Variants in POLR1B observed in about 807,000 individuals in gnomAD.
The protein encoded by POLR1B is DNA-directed RNA polymerase I subunit RPA2.
Under a neutral mutation model 105.8 loss-of-function variants are expected in POLR1B, and 30 were observed. The ratio of observed to expected loss-of-function variants is 0.28; its 90% CI spans 0.21 to 0.38. POLR1B has a LOEUF of 0.38. Ranked by LOEUF, POLR1B falls within the 10% of genes least tolerant of loss-of-function variation. The probability of loss-of-function intolerance (pLI) is 1.00; values close to 1 mark genes in which losing one functional copy is unlikely to be tolerated. For missense variants in POLR1B, 976 were observed against 1,435.8 expected (o/e 0.68, Z 5.17); for synonymous variants, 485 against 505.1 (o/e 0.96, Z 0.53).
chr2:112,567,027 A>G (rs977031462), intron 10 of POLR1B, among the ~76,000 whole-genome samples: 1 of 152,036 alleles, frequency 6.6e-6, no homozygotes, highest in Non-Finnish European at 1.5e-5. Flanking sequence ...ATTTATTTTC[A>G]TTCTCTTTTT....
Position 112,577,866 on chromosome 2 carries a change from A to G in POLR1B, c.*2137A>G, listed in dbSNP as rs1684937696. Among the ~76,000 whole-genome samples the G allele has an allele frequency of 6.6e-6, 1 of 151,548 alleles. No individual in the cohort carries two copies. Among genetic ancestry groups the G allele is most frequent in the South Asian group, 2.1e-4 (1 of 4,826 alleles). ...AAAAAAAAAAAAGCGGGGAGGCATA[A>G]GAAAAAACCAATTTAATAGAAAAGA... On this transcript the variant is annotated 3_prime_UTR_variant, in exon 15 of 15. Coordinates refer to ENST00000263331, the MANE Select transcript of POLR1B (RefSeq NM_019014.6).
chr2:112,542,263 C>G, upstream of POLR1B: 1 of 1,534,064 alleles, frequency 6.5e-7, no homozygotes, highest in Middle Eastern at 1.7e-4. Flanking sequence ...AAGGGAGGGC[C>G]CGCCACGCTC....
chr2:112,572,643 G>A lies in POLR1B; in HGVS notation c.2156G>A (p.Ser719Asn). The A allele has an allele frequency of 6.2e-7, 1 of 1,613,496 alleles. No individual in the cohort carries two copies. Among genetic ancestry groups the A allele is most frequent in the Non-Finnish European group, 8.5e-7 (1 of 1,179,722 alleles). The stretch of plus-strand genomic sequence containing the variant: ...CTGTATCGTCTTCAGACTCCTCAGA[G>A]TCCCTTGGTGAGACCCTCCATGTAT... The part of the protein sequence containing the change: ...NKLYRLQTPQ[S>N]PLVRPSMYDY... Residue 719 changes from serine (S) to asparagine (N), a missense_variant, in exon 13 of 15, where the codon AGT (serine) becomes AAT (asparagine). Physicochemically the swap from Ser to Asn is conservative, Grantham distance 46. Coordinates refer to ENST00000263331, the MANE Select transcript of POLR1B (RefSeq NM_019014.6).
chr2:112,552,034 C>T lies in POLR1B; in HGVS notation c.986+36C>T, dbSNP rs140350975. ...TTTGTCTAAACTGTTTTTGGAGGGG[C>T]GGAGGGCTGTCAGTGGTTCTTTGTA... On this transcript the variant is annotated intron_variant, in intron 6 of 14. Transcript: ENST00000263331. The T allele has an allele frequency of 1.5e-5, 23 of 1,544,084 alleles. No individual in the cohort carries two copies. In the African/African-American group the frequency reaches 1.6e-4, roughly 11 times the overall value.
chr2:112,555,518 G>A (rs35806719), intron 7 of POLR1B, among the ~76,000 whole-genome samples: 11,807 of 152,104 alleles, frequency 0.078, 523 homozygotes, highest in Middle Eastern at 0.11. Flanking sequence ...CAGGCCTGGT[G>A]GGCCACACCT....
Position 112,547,515 on chromosome 2 carries a change from ACTTACGT to A in POLR1B, c.441_447del (p.Asn147LysfsTer23). ...ATCATGGTGAAATCCAAGCTTTGCA[ACTTACGT>A]AACCTTCCCCCACAAGCCCTCATTG... is the stretch of plus-strand genomic sequence containing the variant. On this transcript the variant is annotated frameshift_variant, in exon 3 of 15. Coordinates refer to ENST00000263331, the MANE Select transcript of POLR1B (RefSeq NM_019014.6). LOFTEE classifies it high-confidence loss of function. The A allele has an allele frequency of 6.2e-7, 1 of 1,614,212 alleles. No homozygotes were observed. Among genetic ancestry groups the A allele is most frequent in the Non-Finnish European group, 8.5e-7 (1 of 1,180,032 alleles).
chr2:112,567,868 G>A, intron 10 of POLR1B, 99 bp from the exon 11 acceptor site: 1 of 1,015,878 alleles, frequency 9.8e-7, no homozygotes, highest in Non-Finnish European at 1.5e-6. Context: ...TTTTACCATG[G>A]CTGAGTGTGG....
chr2:112,546,840 G>T, intron 1 of POLR1B, 172 bp from the exon 2 acceptor site: 1 of 592,330 alleles, frequency 1.7e-6, no homozygotes, highest in South Asian at 2.0e-5. Flanking sequence ...TGAGATTACA[G>T]GCGTGAACCA....
At chr2:112,567,906 C>A in intron 10 of POLR1B, 61 bp from the exon 11 acceptor site, 1 of 1,424,858 alleles carries the variant, frequency 7.0e-7, no homozygotes, top group Non-Finnish European at 9.8e-7. Flanking sequence ...GGGCATAAGA[C>A]TGGCAGCGAC....
intron 9 of POLR1B, 165 bp from the exon 10 acceptor site, chr2:112,564,201 A>G: frequency 1.3e-6 from 1 of 759,366 alleles, no homozygotes; most frequent in Non-Finnish European, 2.0e-6. Context: ...AGCCTGCTTG[A>G]AATATCTGAA....
chr2:112,577,853 G>C lies in POLR1B; in HGVS notation c.*2124G>C, dbSNP rs572389969. 7.2e-6 allele frequency among the ~76,000 whole-genome samples: 1 copy of C among 138,418 alleles called. No individual in the cohort carries two copies. Among genetic ancestry groups the C allele is most frequent in the African/African-American group, 2.6e-5 (1 of 38,034 alleles). 90.8% of individuals were successfully genotyped at this position (138,418 alleles called of 152,430 possible). A position where few individuals can be genotyped will look rare whatever the true frequency, so the allele number is the denominator to read the frequency against. ...TCTCAAAAAAAAAAAAAAAAAAAAA[G>C]CGGGGAGGCATAAGAAAAAACCAAT... On this transcript the variant is annotated 3_prime_UTR_variant, in exon 15 of 15. Transcript: ENST00000263331.
chr2:112,558,050 T>C lies in POLR1B; in HGVS notation c.1299T>C (p.Leu433=), dbSNP rs745643872. The part of the protein sequence containing the change: ...GIDLTKPFEY[L]FATGNLRSKT... ...ACCTTACAAAACCATTTGAATACCT[T>C]TTTGCTACTGGGAATCTGCGTTCTA... is the stretch of plus-strand genomic sequence containing the variant. The change falls in exon 8 of 15, where the codon CTT becomes CTC. Residue 433 remains leucine (L), a synonymous_variant. Coordinates refer to ENST00000263331, the MANE Select transcript of POLR1B (RefSeq NM_019014.6). 2.6e-5 allele frequency: 35 copies of C among 1,353,082 alleles called. No individual in the cohort carries two copies. Among genetic ancestry groups the C allele is most frequent in the Non-Finnish European group, 3.1e-5 (32 of 1,040,798 alleles). 83.8% of individuals were successfully genotyped at this position (1,353,082 alleles called of 1,614,324 possible).
rs367691078 is a variant in POLR1B at position 112,549,312 on chromosome 2, C to T, written c.538C>T (p.Arg180Ter). The stretch of plus-strand genomic sequence containing the variant: ...AATCAATGGCATTGAAAAAGTCATC[C>T]GAATGTTGATTATGCCTCGGAGAAA... Reference protein sequence around the residue: ...FIINGIEKVIRMLIMPRRNFP... With the variant: ...FIINGIEKVI Residue 180 changes from arginine to a stop codon, truncating the protein, a stop_gained, in exon 4 of 15, where the codon CGA (arginine) becomes TGA (stop). Coordinates refer to ENST00000263331, the MANE Select transcript of POLR1B (RefSeq NM_019014.6). LOFTEE classifies it high-confidence loss of function. 4 of 1,613,200 alleles carry T rather than the reference C, an allele frequency of 2.5e-6. No homozygotes were observed. The highest frequency in any genetic ancestry group is 1.3e-5 in the African/African-American group (1 of 74,796).
chr2:112,557,334 C>T (rs1419267938), intron 7 of POLR1B, among the ~76,000 whole-genome samples: 1 of 152,168 alleles, frequency 6.6e-6, no homozygotes, highest in African/African-American at 2.4e-5. Flanking sequence ...TTGCAGGCTG[C>T]TTTAGGCTTT....
chr2:112,567,171 G>T (rs887584657), intron 10 of POLR1B, among the ~76,000 whole-genome samples: 5 of 151,936 alleles, frequency 3.3e-5, no homozygotes, highest in Admixed American at 1.3e-4. Flanking sequence ...ACTTAATTTT[G>T]TTGCATAACT....
intron 1 of POLR1B, among the ~76,000 whole-genome samples, chr2:112,545,309 G>T (rs1400878920): frequency 6.6e-6 from 1 of 152,162 alleles, no homozygotes; most frequent in African/African-American, 2.4e-5. Flanking sequence ...CATAATGCAA[G>T]GTTGTGTATT....
intron 7 of POLR1B, chr2:112,553,268 C>T (rs1436866545): frequency 1.3e-5 from 2 of 152,596 alleles, no homozygotes; most frequent in East Asian, 3.8e-4. Context: ...GGGCGATGCT[C>T]TGCTTTCCGG....
At chr2:112,546,686 C>T (rs959047881) in intron 1 of POLR1B, among the ~76,000 whole-genome samples, 5 of 150,736 alleles carry the variant, frequency 3.3e-5, no homozygotes, top group Non-Finnish European at 7.4e-5. Flanking sequence ...CTCAGCCTCC[C>T]GAGTAGCTGG....
intron 10 of POLR1B, among the ~76,000 whole-genome samples, chr2:112,564,796 A>C (rs770684102): frequency 2.8e-4 from 42 of 152,228 alleles, no homozygotes; most frequent in Non-Finnish European, 6.0e-4. Flanking sequence ...TACTAGTGGC[A>C]TAGAAGGGAT....
Sources: allele counts gnomAD v4.1 joint callset (sites outside exome capture counted in the v4.1 genomes callset), GRCh38; gene constraint gnomAD v4.1.1; transcripts MANE v1.5; gene names NCBI Gene and HGNC (gene_info 2026-07-23, HGNC 2026-07-21).